The following XYLT1 variants were observed in gnomAD, a reference collection of about 807,000 sequenced individuals.
The protein encoded by XYLT1 is xylosyltransferase 1.
XYLT1 carries 36 observed loss-of-function variants against 91.3 expected under a neutral mutation model. The ratio of observed to expected loss-of-function variants is 0.39; its 90% CI spans 0.30 to 0.52. The LOEUF (loss-of-function observed/expected upper bound fraction) is 0.52, where lower values mean the gene tolerates loss of function less well. XYLT1 is among the 20% of genes least tolerant of loss of function. The pLI is 0.68. For synonymous variants in XYLT1, 588 were observed against 532.0 expected (o/e 1.11, Z -1.45); for missense variants, 1,242 against 1,284.5 (o/e 0.97, Z 0.51).
In XYLT1 at chr16:17,263,181, T is replaced by C. The variant is rs1360712891; in HGVS notation, c.403-3683A>G. 2.6e-5 allele frequency among the ~76,000 whole-genome samples: 4 copies of C among 152,000 alleles called. No homozygotes were observed. In the East Asian group the frequency reaches 7.7e-4, roughly 29 times the overall value. On this transcript the variant is annotated intron_variant, in intron 2 of 11. Coordinates refer to ENST00000261381, the MANE Select transcript of XYLT1 (RefSeq NM_022166.4). ...TTTCCCCGCCACACAACAGAAAACC[T>C]CCACAAACCCCCATTTCAAAAGCTC...
At chr16:17,425,849 G>A (rs763359134) in intron 1 of XYLT1, among the ~76,000 whole-genome samples, 7 of 152,022 alleles carry the variant, frequency 4.6e-5, no homozygotes, top group Non-Finnish European at 7.4e-5. Context: ...CAGCTCAGAT[G>A]GCGCTCCCTC....
intron 2 of XYLT1, among the ~76,000 whole-genome samples, chr16:17,344,013 C>T (rs1453854221): frequency 6.6e-6 from 1 of 152,202 alleles, no homozygotes; most frequent in African/African-American, 2.4e-5. Context: ...ACATTCTCTG[C>T]TACCCATACT....
At position 17,104,140 on chromosome 16, in the gene XYLT1, C is replaced by A. The variant is rs1244452238; in HGVS notation, c.*4555G>T. On this transcript the variant is annotated 3_prime_UTR_variant, in exon 12 of 12. Transcript: ENST00000261381. ...GCAAACAGGACATCCCGTGAGCCAGCACAGCTCTATGTGGTTTCCAAAGAG... is the reference window on the plus strand; with the variant it reads ...GCAAACAGGACATCCCGTGAGCCAGAACAGCTCTATGTGGTTTCCAAAGAG... 1 of 152,848 alleles carries A rather than the reference C, an allele frequency of 6.5e-6. No homozygotes were observed. The highest frequency in any genetic ancestry group is 1.9e-4 in the East Asian group (1 of 5,190). The allele number at this position is 152,848 out of a possible 1,614,324, so 9.5% of individuals were successfully genotyped here. A position where few individuals can be genotyped will look rare whatever the true frequency, so the allele number is the denominator to read the frequency against.
chr16:17,416,460 G>C (rs73525200), intron 1 of XYLT1, among the ~76,000 whole-genome samples: 2 of 152,182 alleles, frequency 1.3e-5, no homozygotes, highest in African/African-American at 4.8e-5. Context: ...CCTCACACGG[G>C]GCCTGAGATG....
intron 5 of XYLT1, among the ~76,000 whole-genome samples, chr16:17,195,742 C>T (rs2032414482): frequency 6.6e-6 from 1 of 152,186 alleles, no homozygotes; most frequent in South Asian, 2.1e-4. Flanking sequence ...CTGCACCCGG[C>T]CCACATCTTC....
chr16:17,411,777 C>T (rs1318554627), intron 1 of XYLT1, among the ~76,000 whole-genome samples: 3 of 152,182 alleles, frequency 2.0e-5, no homozygotes, highest in East Asian at 3.9e-4. Context: ...TTTTAAACCA[C>T]AGTCAGGGGC....
intron 1 of XYLT1, among the ~76,000 whole-genome samples, chr16:17,415,515 C>T (rs2036169606): frequency 6.6e-6 from 1 of 152,096 alleles, no homozygotes; most frequent in Admixed American, 6.5e-5. Flanking sequence ...CATGGTGAAA[C>T]CCCATCTCCA....
intron 6 of XYLT1, among the ~76,000 whole-genome samples, chr16:17,153,154 T>C (rs555090879): frequency 6.6e-6 from 1 of 152,344 alleles, no homozygotes; most frequent in East Asian, 1.9e-4. Flanking sequence ...ATCAACTTAA[T>C]AGGCGCAACT....
chr16:17,275,841 T>C (rs2033964628), intron 2 of XYLT1, among the ~76,000 whole-genome samples: 1 of 152,134 alleles, frequency 6.6e-6, no homozygotes, highest in Non-Finnish European at 1.5e-5. Context: ...CCTTTGCCTG[T>C]GTGGGCCCTA....
intron 1 of XYLT1, among the ~76,000 whole-genome samples, chr16:17,465,249 T>C (rs2036878000): frequency 6.7e-6 from 1 of 149,394 alleles, no homozygotes; most frequent in Non-Finnish European, 1.5e-5. Context: ...AAAGGTGGCA[T>C]CTTTGGAAAG....
At chr16:17,198,716 C>CTTATT (rs1307983303) in intron 4 of XYLT1, among the ~76,000 whole-genome samples, 1 of 152,046 alleles carries the variant, frequency 6.6e-6, no homozygotes, top group African/African-American at 2.4e-5. Context: ...AAAATTTTAT[C>CTTATT]TTATTTTATT....
intron 1 of XYLT1, among the ~76,000 whole-genome samples, chr16:17,444,344 A>C (rs1317089763): frequency 1.3e-5 from 2 of 151,902 alleles, no homozygotes; most frequent in Non-Finnish European, 2.9e-5. Flanking sequence ...CTTGTTCACT[A>C]CTTTTTTTGT....
At chr16:17,257,436 C>A (rs1233305691) in intron 3 of XYLT1, among the ~76,000 whole-genome samples, 1 of 152,178 alleles carries the variant, frequency 6.6e-6, no homozygotes, top group Non-Finnish European at 1.5e-5. Context: ...TGGATGCTAT[C>A]CGCCCTCTCC....
At chr16:17,332,752 C>T in intron 2 of XYLT1, among the ~76,000 whole-genome samples, 1 of 152,122 alleles carries the variant, frequency 6.6e-6, no homozygotes, top group East Asian at 1.9e-4. Context: ...AGGACTCTGG[C>T]CTTCAGATAA....
intron 1 of XYLT1, among the ~76,000 whole-genome samples, chr16:17,362,817 A>T (rs1373515356): frequency 6.6e-6 from 1 of 152,220 alleles, no homozygotes; most frequent in Admixed American, 6.5e-5. Context: ...AGGCAATGAC[A>T]TTGGTGTAGA....
At chr16:17,363,072 T>G (rs1234213457) in intron 1 of XYLT1, among the ~76,000 whole-genome samples, 1 of 152,088 alleles carries the variant, frequency 6.6e-6, no homozygotes, top group Non-Finnish European at 1.5e-5. Context: ...ACCAGATAAC[T>G]TGGAAAATCT....
intron 2 of XYLT1, among the ~76,000 whole-genome samples, chr16:17,321,290 C>T (rs1335240492): frequency 7.1e-6 from 1 of 141,172 alleles, no homozygotes; most frequent in African/African-American, 2.6e-5. Flanking sequence ...ACAAACTTTA[C>T]TATTTTTACT....
chr16:17,326,625 C>G (rs1404257446), intron 2 of XYLT1, among the ~76,000 whole-genome samples: 1 of 151,860 alleles, frequency 6.6e-6, no homozygotes, highest in Non-Finnish European at 1.5e-5. Context: ...AGATCGAGAC[C>G]ATCCTGGCTG....
At chr16:17,306,084 C>G (rs780409954) in intron 2 of XYLT1, among the ~76,000 whole-genome samples, 2 of 152,146 alleles carry the variant, frequency 1.3e-5, no homozygotes, top group Non-Finnish European at 2.9e-5. Context: ...CAGAGAGCCT[C>G]TGGGTGCCAA....
Sources: gnomAD v4.1 joint callset for allele counts (sites outside exome capture counted in the v4.1 genomes callset) on GRCh38, gnomAD v4.1.1 for gene constraint, MANE v1.5 for transcripts, NCBI Gene and HGNC (gene_info 2026-07-23, HGNC 2026-07-21) for gene names.